The following CACNA1I variants were observed in gnomAD, a reference collection of about 807,000 sequenced individuals.
The protein encoded by CACNA1I is voltage-dependent T-type calcium channel subunit alpha-1I.
CACNA1I carries 74 observed loss-of-function variants against 201.6 expected under a neutral mutation model. The observed-to-expected ratio is 0.37, with a 90% CI of 0.30 to 0.45. CACNA1I has a LOEUF of 0.45. CACNA1I is among the 20% of genes least tolerant of loss of function. The pLI is 1.00. For missense variants in CACNA1I, 2,346 were observed against 3,138.1 expected, an observed-to-expected ratio of 0.75 and a Z score of 6.03; for synonymous variants, 1,431 against 1,345.2, an observed-to-expected ratio of 1.06 and a Z score of -1.40.
Position 39,649,426 on chromosome 22 carries a change from A to G in CACNA1I, c.1568-75A>G. The stretch of plus-strand genomic sequence containing the variant: ...ACCTGTGGGCCTGGGAGCCAAGCGC[A>G]CTCAGGGATGTGTCCCAGGGTGGAT... On this transcript the variant is annotated intron_variant, in intron 9 of 36. Coordinates refer to ENST00000402142, the MANE Select transcript of CACNA1I (RefSeq NM_021096.4). The surrounding 1 kb of genome is among the most constrained non-coding windows in gnomAD (Gnocchi z 7.3). The G allele has an allele frequency of 2.2e-6, 3 of 1,388,864 alleles. No homozygotes were observed. Among genetic ancestry groups the G allele is most frequent in the South Asian group, 3.0e-5 (2 of 67,162 alleles). 86.0% of individuals were successfully genotyped at this position (1,388,864 alleles called of 1,614,324 possible).
intron 1 of CACNA1I, among the ~76,000 whole-genome samples, chr22:39,585,700 A>T (rs1351639902): frequency 4.0e-5 from 4 of 98,880 alleles, no homozygotes; most frequent in Admixed American, 3.4e-4. Flanking sequence ...CTGTAAACTT[A>T]AAAAAAAAAA....
intron 1 of CACNA1I, among the ~76,000 whole-genome samples, chr22:39,595,546 A>C (rs900340817): frequency 6.6e-6 from 1 of 151,786 alleles, no homozygotes. Context: ...AAACACTTGA[A>C]CCCAGGAGGC....
rs189515791 is a variant in CACNA1I at position 39,665,058 on chromosome 22, G to A, written c.3851+135G>A. On this transcript the variant is annotated intron_variant, in intron 21 of 36. Transcript: ENST00000402142. This position sits in a 1 kb window ranked among gnomAD's most constrained non-coding sequence, Gnocchi z 5.5. ...CAATAGTGAGTGCCAAACACCCTGA[G>A]CTGTTCCCGGGGGAGGGGTCTGCAG... 3.0e-5 allele frequency: 25 copies of A among 823,408 alleles called. No homozygotes were observed. In the Middle Eastern group the frequency reaches 1.1e-3, roughly 36 times the overall value. The allele number at this position is 823,408 out of a possible 1,614,324, so 51.0% of individuals were successfully genotyped here.
At chr22:39,612,523 C>T (rs930795135) in intron 3 of CACNA1I, among the ~76,000 whole-genome samples, 2 of 152,080 alleles carry the variant, frequency 1.3e-5, no homozygotes, top group Non-Finnish European at 2.9e-5. Context: ...TGGTGGGGGC[C>T]ACTTCCTCAT....
intron 1 of CACNA1I, among the ~76,000 whole-genome samples, chr22:39,581,637 G>A (rs973507569): frequency 4.6e-5 from 7 of 152,156 alleles, no homozygotes; most frequent in African/African-American, 7.2e-5. Flanking sequence ...CCCCTGCCAG[G>A]GAATTTAAGA....
intron 3 of CACNA1I, among the ~76,000 whole-genome samples, chr22:39,613,990 A>G (rs998968226): frequency 6.6e-6 from 1 of 152,156 alleles, no homozygotes; most frequent in Admixed American, 6.5e-5. Flanking sequence ...GGCGTGCGCC[A>G]CCATGCCCAG....
In CACNA1I at chr22:39,648,313, G is replaced by A. The variant is rs1034479174; in HGVS notation, c.1567+387G>A. The stretch of plus-strand genomic sequence containing the variant: ...CCGGCATGCGGACACAGGAGCTGGG[G>A]CCGGGCAAGGCTGGCACTGGTGTTG... On this transcript the variant is annotated intron_variant, in intron 9 of 36. Coordinates refer to ENST00000402142, the MANE Select transcript of CACNA1I (RefSeq NM_021096.4). This position sits in a 1 kb window ranked among gnomAD's most constrained non-coding sequence, Gnocchi z 5.4. Among the ~76,000 whole-genome samples the A allele has an allele frequency of 5.3e-5, 8 of 152,184 alleles. No individual in the cohort carries two copies. Among genetic ancestry groups the A allele is most frequent in the Non-Finnish European group, 1.0e-4 (7 of 68,036 alleles).
At chr22:39,583,316 A>C (rs1238424038) in intron 1 of CACNA1I, among the ~76,000 whole-genome samples, 1 of 132,466 alleles carries the variant, frequency 7.5e-6, no homozygotes, top group South Asian at 2.5e-4. Flanking sequence ...AACCAACCAT[A>C]CATTCATCTA....
intron 4 of CACNA1I, among the ~76,000 whole-genome samples, chr22:39,627,678 C>T (rs964452389): frequency 5.3e-5 from 8 of 152,194 alleles, no homozygotes; most frequent in Non-Finnish European, 7.3e-5. Flanking sequence ...GTGGAAGTGT[C>T]GGCATTTTCG....
In CACNA1I at chr22:39,646,645, A is replaced by G; in HGVS notation, c.1226A>G (p.His409Arg). 1 of 1,574,414 alleles carries G rather than the reference A, an allele frequency of 6.4e-7. No individual in the cohort carries two copies. The highest frequency in any genetic ancestry group is 2.4e-5 in the East Asian group (1 of 42,534). ...TQFSETKQRE[H>R]RLMLEQRQRY... is the part of the protein sequence containing the mutation. ...TTCTCGGAGACCAAGCAACGGGAGCACCGGCTGATGCTGGAGCAGCGGCAG... is the reference window on the plus strand; with the variant it reads ...TTCTCGGAGACCAAGCAACGGGAGCGCCGGCTGATGCTGGAGCAGCGGCAG... Residue 409 changes from histidine to arginine, a missense_variant, in exon 8 of 37, where the codon CAC becomes CGC. Physicochemically the swap from His to Arg is conservative, Grantham distance 29. Transcript: ENST00000402142.
In CACNA1I at chr22:39,686,198, C is replaced by A; in HGVS notation, c.6465C>A (p.Ser2155Arg). The change falls in exon 37 of 37, where the codon AGC (serine) becomes AGA (arginine). Residue 2155 changes from serine to arginine, a missense_variant. Ser to Arg is a moderately radical substitution (Grantham distance 110, BLOSUM62 -1). Transcript: ENST00000402142. ...PGLTPARKFS[S>R]TSSLAAPGRP... ...TCACGCCCGCCAGGAAGTTCAGCAG[C>A]ACCAGCAGCCTGGCCGCCCCCGGCC... 1 of 1,271,024 alleles carries A rather than the reference C, an allele frequency of 7.9e-7. No homozygotes were observed. The highest frequency in any genetic ancestry group is 9.9e-7 in the Non-Finnish European group (1 of 1,009,976). 78.7% of individuals were successfully genotyped at this position (1,271,024 alleles called of 1,614,324 possible).
In CACNA1I at chr22:39,591,912, T is replaced by G. The variant is rs564781443; in HGVS notation, c.237-6239T>G. On this transcript the variant is annotated intron_variant, in intron 1 of 36. Transcript: ENST00000402142. ...TTGGCAAACAGACACTCAGGGGCAC[T>G]GAAGAAGTGTTCGCGATTGTCACCA... 4.6e-5 allele frequency among the ~76,000 whole-genome samples: 7 copies of G among 152,370 alleles called. No homozygotes were observed. In the East Asian group the frequency reaches 5.8e-4, roughly 13 times the overall value.
At chr22:39,585,659 T>C (rs1371550255) in intron 1 of CACNA1I, among the ~76,000 whole-genome samples, 2 of 132,246 alleles carry the variant, frequency 1.5e-5, no homozygotes, top group African/African-American at 5.9e-5. Flanking sequence ...AAGTGCTGGG[T>C]GAGATTATAG....
At chr22:39,669,970 G>C in intron 24 of CACNA1I, 68 bp from the exon 25 acceptor site, 1 of 1,569,168 alleles carries the variant, frequency 6.4e-7, no homozygotes, top group Non-Finnish European at 8.8e-7. Context: ...GCTCAGCCAG[G>C]ATGGGCACCT....
intron 6 of CACNA1I, 138 bp downstream of exon 6, chr22:39,641,320 A>C: frequency 1.5e-6 from 1 of 679,096 alleles, no homozygotes; most frequent in Non-Finnish European, 2.5e-6. Context: ...AGGCATTATC[A>C]TGCCCATTTT....
chr22:39,655,264 C>CA (rs1555909643), intron 10 of CACNA1I, among the ~76,000 whole-genome samples: 6 of 85,598 alleles, frequency 7.0e-5, no homozygotes, highest in East Asian at 0.016. Context: ...GAGGGCTTCC[C>CA]GGGGGGCAGC....
In CACNA1I at chr22:39,670,797, C is replaced by G; in HGVS notation, c.4388-6C>G. On this transcript the variant is annotated splice_polypyrimidine_tract_variant and splice_region_variant and intron_variant, in intron 25 of 36. Coordinates refer to ENST00000402142, the MANE Select transcript of CACNA1I (RefSeq NM_021096.4). The stretch of plus-strand genomic sequence containing the variant: ...GTCTTTGCCACTCCCCCTGCACCAC[C>G]TGCAGAGGCCCAGCGGCTGCCCTAC... 1 of 1,613,868 alleles carries G rather than the reference C, an allele frequency of 6.2e-7. No homozygotes were observed. The highest frequency in any genetic ancestry group is 8.5e-7 in the Non-Finnish European group (1 of 1,179,826).
At chr22:39,595,792 A>T (rs73885279) in intron 1 of CACNA1I, among the ~76,000 whole-genome samples, 1 of 152,008 alleles carries the variant, frequency 6.6e-6, no homozygotes, top group African/African-American at 2.4e-5. Flanking sequence ...ATGAGGGACA[A>T]CTGTATTTAT....
Position 39,668,853 on chromosome 22 carries a change from G to A in CACNA1I, c.4194+472G>A, listed in dbSNP as rs537893614. Among the ~76,000 whole-genome samples the A allele has an allele frequency of 2.0e-5, 3 of 152,302 alleles. No homozygotes were observed. In the South Asian group the frequency reaches 6.2e-4, roughly 32 times the overall value. Reference sequence around the variant, plus strand: ...AAGCCCCCGGGTGTGCCATGACAAGGGGCAAAAGTTTATTCTGAGGGCAGA... The same window carrying A: ...AAGCCCCCGGGTGTGCCATGACAAGAGGCAAAAGTTTATTCTGAGGGCAGA... On this transcript the variant is annotated intron_variant, in intron 24 of 36. Transcript: ENST00000402142.
Sources: gnomAD v4.1 joint callset for allele counts (sites outside exome capture counted in the v4.1 genomes callset) on GRCh38, gnomAD v4.1.1 for gene constraint, Gnocchi (gnomAD v3.1) non-coding constraint, MANE v1.5 for transcripts, NCBI Gene and HGNC (gene_info 2026-07-23, HGNC 2026-07-21) for gene names.